Variants in EPS8L2 observed in about 807,000 individuals in gnomAD.
The protein encoded by EPS8L2 is epidermal growth factor receptor kinase substrate 8-like protein 2.
In EPS8L2, 81 loss-of-function variants were observed where a neutral mutation model predicts 99.4. The observed-to-expected ratio is 0.82, with a 90% CI of 0.68 to 0.98. The LOEUF (loss-of-function observed/expected upper bound fraction) is 0.98, where lower values mean the gene tolerates loss of function less well. EPS8L2 is among the 50% of genes least tolerant of loss of function. The pLI is 0.00. For missense variants in EPS8L2, 1,155 were observed against 968.8 expected (o/e 1.19, Z -2.55); for synonymous variants, 509 against 407.3 (o/e 1.25, Z -3.01).
In EPS8L2 at chr11:709,589, G is replaced by A; in HGVS notation, c.81G>A (p.Met27Ile). 6.2e-7 allele frequency: 1 copy of A among 1,613,172 alleles called. No individual in the cohort carries two copies. The highest frequency in any genetic ancestry group is 8.5e-7 in the Non-Finnish European group (1 of 1,179,954). The change falls in exon 3 of 21, where the codon ATG (methionine) becomes ATA (isoleucine). Residue 27 changes from methionine (M) to isoleucine (I), a missense_variant. Transcript: ENST00000318562. ...SLGRSDGVAK[M>I]SPKDLFEQRK... ...GCCGGTCCGACGGTGTGGCCAAGAT[G>A]AGCCCCAAGGACCTGTTTGGTGAGT...
chr11:718,801 T>C (rs1356980976), intron 4 of EPS8L2, among the ~76,000 whole-genome samples: 2 of 151,694 alleles, frequency 1.3e-5, no homozygotes, highest in Non-Finnish European at 2.9e-5. Context: ...CCCGAGTAGC[T>C]GGGACTATAG....
Position 727,185 on chromosome 11 carries a change from T to G in EPS8L2, c.*204T>G. The G allele has an allele frequency of 2.0e-6, 1 of 512,090 alleles. No homozygotes were observed. The highest frequency in any genetic ancestry group is 3.5e-6 in the Non-Finnish European group (1 of 287,446). The allele number at this position is 512,090 out of a possible 1,614,324, so 31.7% of individuals were successfully genotyped here. A position where few individuals can be genotyped will look rare whatever the true frequency, so the allele number is the denominator to read the frequency against. ...GCCTCAGCCCACACCAAGACTAATC[T>G]CAGCCAAACCTGCTGCTTGGTGGTG... On this transcript the variant is annotated 3_prime_UTR_variant, in exon 21 of 21. Coordinates refer to ENST00000318562, the MANE Select transcript of EPS8L2 (RefSeq NM_022772.4).
chr11:709,604 G>C lies in EPS8L2; in HGVS notation c.96G>C (p.Leu32=). The change falls in exon 3 of 21, where the codon CTG becomes CTC. Residue 32 remains leucine (L), a synonymous_variant. Coordinates refer to ENST00000318562, the MANE Select transcript of EPS8L2 (RefSeq NM_022772.4). Reference sequence around the variant, plus strand: ...TGGCCAAGATGAGCCCCAAGGACCTGTTTGGTGAGTGAGGTTTGAGAACGG... The same window carrying C: ...TGGCCAAGATGAGCCCCAAGGACCTCTTTGGTGAGTGAGGTTTGAGAACGG... ...DGVAKMSPKD[L]FEQRKKYSNS... 6.2e-7 allele frequency: 1 copy of C among 1,613,070 alleles called. No individual in the cohort carries two copies. Among genetic ancestry groups the C allele is most frequent in the South Asian group, 1.1e-5 (1 of 91,060 alleles).
At chr11:715,056 C>A (rs1382655648) in intron 4 of EPS8L2, among the ~76,000 whole-genome samples, 7 of 152,104 alleles carry the variant, frequency 4.6e-5, no homozygotes, top group Non-Finnish European at 8.8e-5. Flanking sequence ...TTCTGGCTAA[C>A]ATGGTGAAAC....
At position 726,089 on chromosome 11, in the gene EPS8L2, C is replaced by T. The variant is rs771543386; in HGVS notation, c.1681-9C>T. ...GCGTGGGGAGCCTAATCGCCCCCCG[C>T]CCCCGCAGGCCGGTCAGAAGTACTG... On this transcript the variant is annotated splice_polypyrimidine_tract_variant and intron_variant, in intron 17 of 20. Transcript: ENST00000318562. 9.6e-6 allele frequency: 15 copies of T among 1,555,356 alleles called. No homozygotes were observed. Among genetic ancestry groups the T allele is most frequent in the Non-Finnish European group, 1.3e-5 (15 of 1,138,546 alleles).
intron 4 of EPS8L2, among the ~76,000 whole-genome samples, chr11:714,310 A>G (rs1280093985): frequency 9.3e-5 from 14 of 150,356 alleles, no homozygotes; most frequent in Admixed American, 9.3e-4. Flanking sequence ...GTTCACTGCA[A>G]CCTCCACCTC....
chr11:723,883 G>T (rs1191183580), intron 15 of EPS8L2, among the ~76,000 whole-genome samples: 2 of 152,000 alleles, frequency 1.3e-5, no homozygotes, highest in African/African-American at 4.8e-5. Context: ...AATCTGCATG[G>T]GAAGCCCCTG....
intron 13 of EPS8L2, 55 bp downstream of exon 13, chr11:722,604 G>T: frequency 6.2e-7 from 1 of 1,610,040 alleles, no homozygotes; most frequent in South Asian, 1.1e-5. Flanking sequence ...GCTGCATGGG[G>T]GCCAGCAAGG....
In EPS8L2 at chr11:722,717, A is replaced by G. The variant is rs763916663; in HGVS notation, c.1253A>G (p.Lys418Arg). ...CCACAGGTGCCCCTCTACGTGCCCA[A>G]GTTCCACAGCGGCTGGGAGCCTCCT... ...REPQVPLYVP[K>R]FHSGWEPPVD... is the part of the protein sequence containing the mutation. Residue 418 changes from lysine to arginine, a missense_variant, in exon 14 of 21, where the codon AAG (lysine) becomes AGG (arginine). Transcript: ENST00000318562. 2.5e-6 allele frequency: 4 copies of G among 1,609,314 alleles called. No homozygotes were observed. Among genetic ancestry groups the G allele is most frequent in the East Asian group, 2.2e-5 (1 of 44,698 alleles).
chr11:726,375 C>G lies in EPS8L2; in HGVS notation c.1825C>G (p.Gln609Glu), dbSNP rs756971984. The change falls in exon 19 of 21, where the codon CAG becomes GAG. Residue 609 changes from glutamine (Q) to glutamate (E), a missense_variant. By Grantham distance (29) the Gln-to-Glu change is conservative. Transcript: ENST00000318562. ...AATCAGCAACATCAGGGCGCAGCCA[C>G]AGAGGCACTTCCGCGTGGAGCGCAG... ...RKISNIRAQP[Q>E]RHFRVERSQP... 10 of 1,610,646 alleles carry G rather than the reference C, an allele frequency of 6.2e-6. No homozygotes were observed. The African/African-American group carries it at 1.2e-4, about 19-fold the overall frequency.
intron 7 of EPS8L2, 76 bp downstream of exon 7, chr11:720,985 G>GGGGAGGGGAGGAGCCCGGCAGGGGA: frequency 2.2e-6 from 3 of 1,371,644 alleles, no homozygotes; most frequent in Non-Finnish European, 2.0e-6. Context: ...GGAGCCGGCA[G>GGGGAGGGGAGGAGCCCGGCAGGGGA]GGGAGGGGAG....
At chr11:712,054 G>A (rs932099749) in intron 4 of EPS8L2, among the ~76,000 whole-genome samples, 2 of 151,908 alleles carry the variant, frequency 1.3e-5, no homozygotes, top group Non-Finnish European at 2.9e-5. Context: ...GGGAGGCCGA[G>A]GCGGGTGGAT....
chr11:714,052 G>C (rs924088186), intron 4 of EPS8L2, among the ~76,000 whole-genome samples: 2 of 152,160 alleles, frequency 1.3e-5, no homozygotes, highest in African/African-American at 2.4e-5. Flanking sequence ...GGTTTGATAA[G>C]TGGAAATTAA....
rs1255285578 is a variant in EPS8L2 at position 720,906 on chromosome 11, T to A, written c.554T>A (p.Leu185Gln). The A allele has an allele frequency of 7.8e-7, 1 of 1,279,514 alleles. No individual in the cohort carries two copies. The highest frequency in any genetic ancestry group is 1.4e-5 in the South Asian group (1 of 72,700). 79.3% of individuals were successfully genotyped at this position (1,279,514 alleles called of 1,614,324 possible). ...GGCAAGAAGATGCGGCCGCAGACCCTGAAGTAGGGCAGCGGGCGGAGCGGG... is the reference window on the plus strand; with the variant it reads ...GGCAAGAAGATGCGGCCGCAGACCCAGAAGTAGGGCAGCGGGCGGAGCGGG... Reference protein sequence around the residue: ...RLGKKMRPQTLKGHQEKIRQR... With the variant: ...RLGKKMRPQTQKGHQEKIRQR... The change falls in exon 7 of 21, where the codon CTG becomes CAG. Residue 185 changes from leucine (L) to glutamine (Q), a missense_variant. Transcript: ENST00000318562.
intron 4 of EPS8L2, among the ~76,000 whole-genome samples, chr11:717,166 G>A (rs979246690): frequency 3.9e-5 from 6 of 151,956 alleles, no homozygotes; most frequent in African/African-American, 1.5e-4. Context: ...TAGTAGAGAC[G>A]GGGTATCACC....
chr11:722,223 A>G (rs1862200202), intron 12 of EPS8L2, 58 bp downstream of exon 12: 24 of 1,581,600 alleles, frequency 1.5e-5, no homozygotes, highest in South Asian at 2.2e-5. Flanking sequence ...CCTCTGCAGC[A>G]TCTCCCCGGG....
rs1260194357 is a variant in EPS8L2 at position 720,642 on chromosome 11, A to G, written c.373A>G (p.Thr125Ala). 2.5e-6 allele frequency: 4 copies of G among 1,599,274 alleles called. No homozygotes were observed. Among genetic ancestry groups the G allele is most frequent in the Non-Finnish European group, 3.4e-6 (4 of 1,174,704 alleles). Reference protein sequence around the residue: ...FPLPTVQRSQTVLNQLRYPSV... With the variant: ...FPLPTVQRSQAVLNQLRYPSV... ...GCTGCCCACGGTGCAGCGCAGCCAG[A>G]CGGTCCTCAACCAGCTGCGCTACCC... is the stretch of plus-strand genomic sequence containing the variant. Residue 125 changes from threonine (T) to alanine (A), a missense_variant, in exon 6 of 21, where the codon ACG becomes GCG. Transcript: ENST00000318562.
intron 6 of EPS8L2, 35 bp downstream of exon 6, chr11:720,781 C>G (rs761814265): frequency 1.3e-6 from 2 of 1,534,132 alleles, no homozygotes; most frequent in Non-Finnish European, 1.8e-6. Flanking sequence ...GGTGGGGCCC[C>G]GCCGCGCCGC....
At chr11:718,312 G>T (rs980727174) in intron 4 of EPS8L2, among the ~76,000 whole-genome samples, 17 of 152,028 alleles carry the variant, frequency 1.1e-4, no homozygotes, top group Non-Finnish European at 2.2e-4. Context: ...CAGCCTGGGG[G>T]ACAGAGCGAG....
Sources: allele counts gnomAD v4.1 joint callset (sites outside exome capture counted in the v4.1 genomes callset), GRCh38; gene constraint gnomAD v4.1.1; transcripts MANE v1.5; gene names NCBI Gene and HGNC (gene_info 2026-07-23, HGNC 2026-07-21).